FHOD3: variants seen among roughly 807,000 people sequenced by gnomAD.
FHOD3 encodes formin homology 2 domain containing 3.
A neutral mutation model predicts 173.0 loss-of-function variants in FHOD3; 90 were observed. The ratio of observed to expected loss-of-function variants is 0.52; its 90% confidence interval spans 0.44 to 0.62. The LOEUF (loss-of-function observed/expected upper bound fraction) is 0.62, where lower values mean the gene tolerates loss of function less well. Among genes scored for constraint, FHOD3 ranks in the 20% least tolerant of loss-of-function variants. FHOD3 has a pLI of 0.00. For synonymous variants in FHOD3, 828 were observed against 823.0 expected, an observed-to-expected ratio of 1.01 and a Z score of -0.10; for missense variants, 1,945 against 2,034.7, an observed-to-expected ratio of 0.96 and a Z score of 0.85.
intron 18 of FHOD3, among the ~76,000 whole-genome samples, chr18:36,717,555 G>A (rs1220644597): frequency 6.6e-6 from 1 of 152,126 alleles, no homozygotes; most frequent in Non-Finnish European, 1.5e-5. Context: ...CCTTGGGTGG[G>A]CAGGAAAAAG....
At chr18:36,654,856 T>C (rs1435674396) in intron 13 of FHOD3, among the ~76,000 whole-genome samples, 1 of 152,214 alleles carries the variant, frequency 6.6e-6, no homozygotes, top group Non-Finnish European at 1.5e-5. Flanking sequence ...AAGAGTTTTT[T>C]TTCTTTCTAA....
intron 27 of FHOD3, among the ~76,000 whole-genome samples, chr18:36,763,465 G>A (rs1263533460): frequency 3.6e-5 from 5 of 139,716 alleles, no homozygotes; most frequent in African/African-American, 5.1e-5. Context: ...TATTATACAC[G>A]TTATATATAA....
intron 1 of FHOD3, among the ~76,000 whole-genome samples, chr18:36,353,542 A>C (rs1598811345): frequency 6.6e-6 from 1 of 152,196 alleles, no homozygotes; most frequent in East Asian, 1.9e-4. Context: ...TAAAGTAACC[A>C]CATATTTGTC....
chr18:36,620,568 C>T (rs1218609270), intron 9 of FHOD3, among the ~76,000 whole-genome samples: 1 of 152,192 alleles, frequency 6.6e-6, no homozygotes, highest in Non-Finnish European at 1.5e-5. Flanking sequence ...CTCTGTCTAG[C>T]CCCAAGGGCC....
chr18:36,746,382 T>C (rs80246384), intron 23 of FHOD3, among the ~76,000 whole-genome samples: 3,210 of 152,310 alleles, frequency 0.021, 94 homozygotes, highest in African/African-American at 0.073. Context: ...GTTCAATGCC[T>C]GGCTTAGAGA....
At chr18:36,476,692 G>A (rs1327172311) in intron 3 of FHOD3, among the ~76,000 whole-genome samples, 1 of 152,194 alleles carries the variant, frequency 6.6e-6, no homozygotes, top group Non-Finnish European at 1.5e-5. Context: ...GGAAAAATTA[G>A]GAATCTGGAA....
intron 3 of FHOD3, among the ~76,000 whole-genome samples, chr18:36,496,783 G>A (rs145118848): frequency 2.2e-4 from 33 of 152,292 alleles, no homozygotes; most frequent in African/African-American, 7.9e-4. Flanking sequence ...TTAAAGGTTT[G>A]CAGTAGTTCA....
At chr18:36,419,914 G>C (rs2049900502) in intron 3 of FHOD3, among the ~76,000 whole-genome samples, 1 of 152,242 alleles carries the variant, frequency 6.6e-6, no homozygotes, top group South Asian at 2.1e-4. Flanking sequence ...GGTCTACTGG[G>C]CAGACCTAAA....
At chr18:36,755,018 T>TTATTA (rs2042569219) in intron 24 of FHOD3, 101 bp from the exon 25 acceptor site, 1 of 253,582 alleles carries the variant, frequency 3.9e-6, no homozygotes, top group Non-Finnish European at 7.1e-6. Context: ...TATTATTATT[T>TTATTA]ATTTTAAGTT....
At chr18:36,523,426 G>A (rs1196486651) in intron 5 of FHOD3, among the ~76,000 whole-genome samples, 3 of 152,196 alleles carry the variant, frequency 2.0e-5, no homozygotes, top group Admixed American at 2.0e-4. Context: ...AAATTGATCA[G>A]TGGTGCCTTT....
At chr18:36,562,424 A>G (rs533010158) in intron 5 of FHOD3, among the ~76,000 whole-genome samples, 6 of 152,354 alleles carry the variant, frequency 3.9e-5, no homozygotes, top group South Asian at 2.1e-4. Flanking sequence ...TTGTTTAAAA[A>G]CATTATTTAC....
At chr18:36,547,002 C>T (rs1740264364) in intron 5 of FHOD3, among the ~76,000 whole-genome samples, 1 of 152,218 alleles carries the variant, frequency 6.6e-6, no homozygotes, top group South Asian at 2.1e-4. Flanking sequence ...TCAATTCACA[C>T]TGCCTCACAG....
At chr18:36,342,250 G>C (rs1006311113) in intron 1 of FHOD3, among the ~76,000 whole-genome samples, 1 of 151,888 alleles carries the variant, frequency 6.6e-6, no homozygotes, top group Non-Finnish European at 1.5e-5. Context: ...TAAAATATAT[G>C]TATTAAAATA....
chr18:36,739,403 A>G (rs561982902), intron 20 of FHOD3, among the ~76,000 whole-genome samples: 27 of 152,356 alleles, frequency 1.8e-4, no homozygotes, highest in Admixed American at 7.8e-4. Flanking sequence ...TATCACCACC[A>G]GCTTGCCCTT....
At chr18:36,627,993 T>G (rs80069664) in intron 10 of FHOD3, among the ~76,000 whole-genome samples, 3,907 of 152,272 alleles carry the variant, frequency 0.026, 178 homozygotes, top group African/African-American at 0.09. Context: ...CAACATGCCT[T>G]CAGATGCCAC....
intron 17 of FHOD3, among the ~76,000 whole-genome samples, chr18:36,699,892 C>T (rs192607125): frequency 2.8e-4 from 43 of 152,254 alleles, no homozygotes; most frequent in African/African-American, 9.4e-4. Flanking sequence ...CCAGATACAT[C>T]GGGAAGTTCA....
At chr18:36,459,017 T>C (rs2052392846) in intron 3 of FHOD3, among the ~76,000 whole-genome samples, 1 of 152,198 alleles carries the variant, frequency 6.6e-6, no homozygotes, top group South Asian at 2.1e-4. Context: ...ATCAGCAGCC[T>C]GGAGTTTAGT....
chr18:36,577,296 GTATTT>G, intron 6 of FHOD3, among the ~76,000 whole-genome samples: 1 of 151,796 alleles, frequency 6.6e-6, no homozygotes, highest in African/African-American at 2.4e-5. Context: ...ACCAAACTAG[GTATTT>G]TATTTTATTT....
At chr18:36,730,900 T>C in intron 20 of FHOD3, 96 bp downstream of exon 20, 1 of 1,327,712 alleles carries the variant, frequency 7.5e-7, no homozygotes, top group Non-Finnish European at 1.0e-6. Context: ...ATGGTGCCTT[T>C]CTGTCTCAAC....
Sources: gnomAD v4.1 joint callset for allele counts (sites outside exome capture counted in the v4.1 genomes callset) on GRCh38, gnomAD v4.1.1 for gene constraint, MANE v1.5 for transcripts, NCBI Gene and HGNC (gene_info 2026-07-23, HGNC 2026-07-21) for gene names.